Variants in BCAS3 observed in about 807,000 individuals in gnomAD.
BCAS3 encodes the protein BCAS4/BCAS3 fusion.
A neutral mutation model predicts 116.1 loss-of-function variants in BCAS3; 53 were observed. That is an observed-to-expected ratio of 0.46 (90% confidence interval 0.37 to 0.57). The LOEUF (loss-of-function observed/expected upper bound fraction) is 0.57. Ranked by LOEUF, BCAS3 falls within the 20% of genes least tolerant of loss-of-function variation. The pLI is 0.00. For synonymous variants in BCAS3, 391 were observed against 408.2 expected, an observed-to-expected ratio of 0.96 and a Z score of 0.51; for missense variants, 917 against 1,165.4, an observed-to-expected ratio of 0.79 and a Z score of 3.10.
Position 60,962,300 on chromosome 17 carries a change from C to T in BCAS3, c.1221+14948C>T, listed in dbSNP as rs144103833. On this transcript the variant is annotated intron_variant, in intron 14 of 23. Transcript: ENST00000407086. The surrounding 1 kb of genome is among the most constrained non-coding windows in gnomAD (Gnocchi z 4.4). The stretch of plus-strand genomic sequence containing the variant: ...TGGCTGCACTAATTTACATTTCCAC[C>T]AGCAGTGTGCAAGGGTCTCTTCTCC... Among the ~76,000 whole-genome samples, 603 of 152,270 alleles carry T rather than the reference C, an allele frequency of 4.0e-3. 18 individuals are homozygous for T. The highest frequency in any genetic ancestry group is 0.031 in the Admixed American group (480 of 15,296).
chr17:60,698,035 C>A (rs2035848303), intron 4 of BCAS3, among the ~76,000 whole-genome samples: 1 of 151,646 alleles, frequency 6.6e-6, no homozygotes, highest in Non-Finnish European at 1.5e-5. Flanking sequence ...AAAAATTAGC[C>A]AGGCGTGGTG....
chr17:61,082,129 T>A lies in BCAS3; in HGVS notation c.2328-2338T>A, dbSNP rs2143520089. 6.6e-6 allele frequency among the ~76,000 whole-genome samples: 1 copy of A among 152,332 alleles called. No homozygotes were observed. The highest frequency in any genetic ancestry group is 2.1e-4 in the South Asian group (1 of 4,828). ...GCAATGAAATATTTGCTAACAGACC[T>A]GAGAAACATATAATGTAAAAGATGC... On this transcript the variant is annotated intron_variant, in intron 21 of 23. Coordinates refer to ENST00000407086, the MANE Select transcript of BCAS3 (RefSeq NM_017679.5). The surrounding 1 kb of genome is among the most constrained non-coding windows in gnomAD (Gnocchi z 5.1).
intron 22 of BCAS3, among the ~76,000 whole-genome samples, chr17:61,301,604 C>T (rs185295274): frequency 7.2e-5 from 11 of 152,142 alleles, no homozygotes; most frequent in African/African-American, 2.7e-4. Context: ...ACCATTGCAG[C>T]CGGATGACAG....
chr17:60,718,933 G>A (rs1201240646), intron 5 of BCAS3, among the ~76,000 whole-genome samples: 1 of 152,042 alleles, frequency 6.6e-6, no homozygotes, highest in Admixed American at 6.6e-5. Flanking sequence ...ATGGTGACAG[G>A]TGCCTGTAGT....
intron 22 of BCAS3, among the ~76,000 whole-genome samples, chr17:61,125,209 C>T (rs1368884655): frequency 6.6e-6 from 1 of 152,164 alleles, no homozygotes; most frequent in Non-Finnish European, 1.5e-5. Context: ...TTAAATACTT[C>T]ATACTGGTTT....
At chr17:61,201,188 G>A (rs113393440) in intron 22 of BCAS3, among the ~76,000 whole-genome samples, 5 of 152,150 alleles carry the variant, frequency 3.3e-5, no homozygotes, top group South Asian at 2.1e-4. Context: ...CCTGGCATTC[G>A]CAGGTATCTG....
intron 3 of BCAS3, among the ~76,000 whole-genome samples, chr17:60,687,552 T>A (rs1301605187): frequency 2.0e-5 from 3 of 152,082 alleles, no homozygotes; most frequent in Non-Finnish European, 4.4e-5. Flanking sequence ...TGCAGTGAGC[T>A]GAGATCATAC....
chr17:61,201,218 G>A (rs968143561), intron 22 of BCAS3, among the ~76,000 whole-genome samples: 1 of 152,194 alleles, frequency 6.6e-6, no homozygotes, highest in Admixed American at 6.5e-5. Context: ...AAGTCAGAAC[G>A]AATGAGGAGG....
In BCAS3 at chr17:61,092,894, C is replaced by T. The variant is rs8069246; in HGVS notation, c.2425+8330C>T. Among the ~76,000 whole-genome samples, 749 of 147,088 alleles carry T rather than the reference C, an allele frequency of 5.1e-3. 1 individual carries two copies. The highest frequency in any genetic ancestry group is 8.9e-3 in the Non-Finnish European group (600 of 67,114). On this transcript the variant is annotated intron_variant, in intron 22 of 23. Transcript: ENST00000407086. Reference sequence around the variant, plus strand: ...TTCACAAACAAAAAAAATCTTTTGTCCAGTCTTTTTTTTTTTTTTTTTTTT... The same window carrying T: ...TTCACAAACAAAAAAAATCTTTTGTTCAGTCTTTTTTTTTTTTTTTTTTTT...
chr17:60,888,348 TTC>T (rs1438040172), intron 9 of BCAS3, among the ~76,000 whole-genome samples: 2 of 152,186 alleles, frequency 1.3e-5, no homozygotes, highest in Admixed American at 6.5e-5. Context: ...ATTCAGGAGA[TTC>T]TCTGTGTCTA....
rs2076920219 is a variant in BCAS3, at chr17:61,141,637, T to G, written c.2425+57073T>G. 6.6e-6 allele frequency among the ~76,000 whole-genome samples: 1 copy of G among 151,682 alleles called. No individual in the cohort carries two copies. The highest frequency in any genetic ancestry group is 1.5e-5 in the Non-Finnish European group (1 of 67,888). On this transcript the variant is annotated intron_variant, in intron 22 of 23. Coordinates refer to ENST00000407086, the MANE Select transcript of BCAS3 (RefSeq NM_017679.5). This position sits in a 1 kb window ranked among gnomAD's most constrained non-coding sequence, Gnocchi z 4.3. ...ACTTAAACAGGCTGGGCGTGGTGGC[T>G]CACACCTGTAATCCCAGCTCTTTGA...
chr17:60,694,132 C>A (rs1303380585), intron 4 of BCAS3, among the ~76,000 whole-genome samples: 2 of 151,278 alleles, frequency 1.3e-5, no homozygotes, highest in Non-Finnish European at 2.9e-5. Context: ...ATGATCTGCC[C>A]GCTTCGGCCT....
At chr17:60,770,444 G>C (rs1164636993) in intron 6 of BCAS3, among the ~76,000 whole-genome samples, 1 of 86,820 alleles carries the variant, frequency 1.2e-5, no homozygotes, top group Admixed American at 1.7e-4. Context: ...TTTTGAGACA[G>C]AGTCTTGCCT....
chr17:60,983,447 T>C (rs2062936199), intron 14 of BCAS3, among the ~76,000 whole-genome samples: 1 of 152,166 alleles, frequency 6.6e-6, no homozygotes, highest in Admixed American at 6.5e-5. Context: ...TGTAATGTTA[T>C]TTAAAGGATT....
At chr17:61,116,374 A>T (rs986035045) in intron 22 of BCAS3, among the ~76,000 whole-genome samples, 1 of 152,166 alleles carries the variant, frequency 6.6e-6, no homozygotes, top group Admixed American at 6.5e-5. Context: ...TACTGGTATC[A>T]CTATTTCACC....
At chr17:60,735,672 T>A (rs955060764) in intron 5 of BCAS3, among the ~76,000 whole-genome samples, 1 of 152,126 alleles carries the variant, frequency 6.6e-6, no homozygotes, top group Admixed American at 6.5e-5. Flanking sequence ...TAGGCTTGTC[T>A]CAAACTCCTG....
At chr17:61,335,071 G>T in intron 22 of BCAS3, among the ~76,000 whole-genome samples, 1 of 152,190 alleles carries the variant, frequency 6.6e-6, no homozygotes, top group East Asian at 1.9e-4. Context: ...TCTTCCTCAG[G>T]CACATCACTG....
rs73991502 is a variant in BCAS3 at position 61,161,999 on chromosome 17, G to A, written c.2425+77435G>A. 5.7e-3 allele frequency among the ~76,000 whole-genome samples: 871 copies of A among 152,208 alleles called. 12 individuals are homozygous for A. The highest frequency in any genetic ancestry group is 0.019 in the African/African-American group (798 of 41,538). On this transcript the variant is annotated intron_variant, in intron 22 of 23. Coordinates refer to ENST00000407086, the MANE Select transcript of BCAS3 (RefSeq NM_017679.5). The surrounding 1 kb of genome is among the most constrained non-coding windows in gnomAD (Gnocchi z 4.8). ...CCTTCTACTAAGAGATCCTAAATTC[G>A]TGTTTAATAGCCAGCTAAATGTAGA...
In BCAS3 at chr17:61,251,525, G is replaced by A. The variant is rs570896824; in HGVS notation, c.2426-116802G>A. Among the ~76,000 whole-genome samples the A allele has an allele frequency of 6.6e-6, 1 of 151,472 alleles. No individual in the cohort carries two copies. The highest frequency in any genetic ancestry group is 2.1e-4 in the South Asian group (1 of 4,786). On this transcript the variant is annotated intron_variant, in intron 22 of 23. Transcript: ENST00000407086. The surrounding 1 kb of genome is among the most constrained non-coding windows in gnomAD (Gnocchi z 4.7). Reference sequence around the variant, plus strand: ...GCAGAGGTTGCAGTGAGCCGAGATTGCGCCATTCCACTCCAGCCTGGGCAA... The same window carrying A: ...GCAGAGGTTGCAGTGAGCCGAGATTACGCCATTCCACTCCAGCCTGGGCAA...
Sources: allele counts gnomAD v4.1 joint callset (sites outside exome capture counted in the v4.1 genomes callset), GRCh38; gene constraint gnomAD v4.1.1; non-coding constraint Gnocchi (gnomAD v3.1); transcripts MANE v1.5; gene names NCBI Gene and HGNC (gene_info 2026-07-23, HGNC 2026-07-21).